Variants in MROH1 observed in about 807,000 individuals in gnomAD.
The protein encoded by MROH1 is maestro heat like repeat family member 1, also known as maestro heat-like repeat-containing protein family member 1.
A neutral mutation model predicts 116.5 loss-of-function variants in MROH1; 117 were observed. The observed-to-expected ratio is 1.00, with a 90% CI of 0.86 to 1.17. MROH1 has a LOEUF of 1.17. MROH1 is among the 50% of genes most tolerant of loss of function. The probability of loss-of-function intolerance (pLI) is 0.00; values close to 1 mark genes in which losing one functional copy is unlikely to be tolerated. For synonymous variants in MROH1, 921 were observed against 583.9 expected (o/e 1.58, Z -8.32); for missense variants, 1,873 against 1,338.5 (o/e 1.40, Z -6.23).
chr8:144,164,221 A>G (rs1255023909), intron 3 of MROH1, among the ~76,000 whole-genome samples: 2 of 151,360 alleles, frequency 1.3e-5, no homozygotes, highest in African/African-American at 4.9e-5. Context: ...CCTGACCAAC[A>G]TGGTGAAACC....
At chr8:144,193,493 C>T (rs1327665036) in intron 10 of MROH1, among the ~76,000 whole-genome samples, 2 of 152,126 alleles carry the variant, frequency 1.3e-5, no homozygotes. Context: ...CCAGTCAGAG[C>T]CGTATAAGGA....
chr8:144,255,235 G>A (rs1843506720), intron 34 of MROH1, among the ~76,000 whole-genome samples: 1 of 152,248 alleles, frequency 6.6e-6, no homozygotes, highest in Non-Finnish European at 1.5e-5. Flanking sequence ...AAGCAGCTGT[G>A]AGAATTCCCT....
Position 144,240,930 on chromosome 8 carries a change from C to T in MROH1, c.1936-62C>T, listed in dbSNP as rs964094676. 30 of 715,540 alleles carry T rather than the reference C, an allele frequency of 4.2e-5. No individual in the cohort carries two copies. In the African/African-American group the frequency reaches 4.5e-4, roughly 11 times the overall value. 44.3% of individuals were successfully genotyped at this position (715,540 alleles called of 1,614,324 possible). A position where few individuals can be genotyped will look rare whatever the true frequency, so the allele number is the denominator to read the frequency against. Reference sequence around the variant, plus strand: ...GTGCACCCCAGGGGCAGCCCCATGGCAGCGCTGGGTCTCCCTGTACTCAGG... The same window carrying T: ...GTGCACCCCAGGGGCAGCCCCATGGTAGCGCTGGGTCTCCCTGTACTCAGG... On this transcript the variant is annotated intron_variant, in intron 20 of 43. Coordinates refer to ENST00000326134, the MANE Select transcript of MROH1 (RefSeq NM_032450.3).
At chr8:144,219,812 G>A (rs1836316009) in intron 12 of MROH1, among the ~76,000 whole-genome samples, 1 of 152,238 alleles carries the variant, frequency 6.6e-6, no homozygotes, top group Non-Finnish European at 1.5e-5. Flanking sequence ...CTACCCAGGT[G>A]TGCCTGCATT....
chr8:144,176,348 G>C (rs895775141), intron 4 of MROH1, among the ~76,000 whole-genome samples: 3 of 148,402 alleles, frequency 2.0e-5, no homozygotes, highest in African/African-American at 7.4e-5. Context: ...ACTCCAGCCT[G>C]GGTGACAGAG....
At chr8:144,192,616 C>T in intron 10 of MROH1, 1 of 695,412 alleles carries the variant, frequency 1.4e-6, no homozygotes, top group South Asian at 1.5e-5. Context: ...ACATAGCAGC[C>T]CCCAGGATGG....
intron 22 of MROH1, 105 bp from the exon 23 acceptor site, chr8:144,242,264 T>C: frequency 1.3e-6 from 1 of 776,056 alleles, no homozygotes; most frequent in Non-Finnish European, 2.4e-6. Context: ...ACTGACTGGC[T>C]CTGGCCCTTC....
intron 33 of MROH1, among the ~76,000 whole-genome samples, chr8:144,253,455 C>A (rs1449502263): frequency 2.6e-5 from 4 of 152,218 alleles, no homozygotes; most frequent in Non-Finnish European, 4.4e-5. Flanking sequence ...AGCTTGCCAG[C>A]CCTTCCCTGG....
intron 39 of MROH1, 121 bp downstream of exon 39, chr8:144,260,495 A>C (rs1844828649): frequency 1.4e-6 from 1 of 699,942 alleles, no homozygotes; most frequent in Non-Finnish European, 2.6e-6. Context: ...GACCGTGGAG[A>C]GCGCGGACCT....
At chr8:144,187,938 G>A (rs113166899) in intron 7 of MROH1, among the ~76,000 whole-genome samples, 1,762 of 152,238 alleles carry the variant, frequency 0.012, 25 homozygotes, top group African/African-American at 0.038. Context: ...TGCGGGTTCC[G>A]GTGGTCTCAG....
intron 17 of MROH1, 84 bp from the exon 18 acceptor site, chr8:144,239,530 G>T (rs1194033548): frequency 2.6e-6 from 2 of 758,292 alleles, no homozygotes; most frequent in Non-Finnish European, 4.9e-6. Flanking sequence ...GCTCCCCGTC[G>T]GGTGATGTGG....
rs1843564977 is a variant in MROH1, at chr8:144,255,451, G to T, written c.3595-58G>T. ...GGGGATGCAGTCTCATTGGGTGCAG[G>T]GCTCAGATCTCCTGCGGCCTGGAGG... On this transcript the variant is annotated intron_variant, in intron 34 of 43. Coordinates refer to ENST00000326134, the MANE Select transcript of MROH1 (RefSeq NM_032450.3). The T allele has an allele frequency of 6.6e-6, 5 of 758,464 alleles. No homozygotes were observed. The Admixed American group carries it at 9.0e-5, about 14-fold the overall frequency. 47.0% of individuals were successfully genotyped at this position (758,464 alleles called of 1,614,324 possible). A position where few individuals can be genotyped will look rare whatever the true frequency, so the allele number is the denominator to read the frequency against.
chr8:144,160,969 G>C lies in MROH1; in HGVS notation c.-176-1G>C, dbSNP rs190992284. The C allele has an allele frequency of 3.9e-5, 6 of 152,794 alleles. No individual in the cohort carries two copies. The East Asian group carries it at 5.8e-4, about 15-fold the overall frequency. 9.5% of individuals were successfully genotyped at this position (152,794 alleles called of 1,614,324 possible). The stretch of plus-strand genomic sequence containing the variant: ...CAGAATTTGGTTCTTTGCATCTGTA[G>C]GACGGAAGCTCCTGTTTTCTTGTCA... On this transcript the variant is annotated splice_acceptor_variant, in intron 1 of 43. Coordinates refer to ENST00000326134, the MANE Select transcript of MROH1 (RefSeq NM_032450.3). LOFTEE classifies it low-confidence loss of function (5UTR_SPLICE).
chr8:144,260,083 G>T, intron 38 of MROH1, 26 bp downstream of exon 38: 1 of 733,606 alleles, frequency 1.4e-6, no homozygotes, highest in Non-Finnish European at 2.5e-6. Flanking sequence ...GCCCCTCTGG[G>T]TCCCAGGCAG....
intron 12 of MROH1, among the ~76,000 whole-genome samples, chr8:144,211,186 A>G (rs1323653643): frequency 6.6e-6 from 1 of 152,200 alleles, no homozygotes; most frequent in Non-Finnish European, 1.5e-5. Flanking sequence ...TGGATTCAGA[A>G]ACAGATTCAG....
rs957239135 is a variant in MROH1, at chr8:144,259,139, A to G, written c.3930-101A>G. The G allele has an allele frequency of 7.6e-5, 53 of 694,884 alleles. No homozygotes were observed. The East Asian group carries it at 1.2e-3, about 15-fold the overall frequency. 43.0% of individuals were successfully genotyped at this position (694,884 alleles called of 1,614,324 possible). ...AAACATAGAACTCCCAGAACCTGGC[A>G]GCTGGCGGTGGAGCGGACCAGGGCT... is the stretch of plus-strand genomic sequence containing the variant. On this transcript the variant is annotated intron_variant, in intron 36 of 43. Coordinates refer to ENST00000326134, the MANE Select transcript of MROH1 (RefSeq NM_032450.3).
At chr8:144,211,625 G>T (rs1834109887) in intron 12 of MROH1, among the ~76,000 whole-genome samples, 1 of 151,892 alleles carries the variant, frequency 6.6e-6, no homozygotes, top group Non-Finnish European at 1.5e-5. Flanking sequence ...AATCCAGGAG[G>T]CTGAGGCAGA....
rs1045555440 is a variant in MROH1 at position 144,239,664 on chromosome 8, G to A, written c.1683G>A (p.Leu561=). The A allele has an allele frequency of 3.9e-6, 3 of 763,248 alleles. No individual in the cohort carries two copies. Among genetic ancestry groups the A allele is most frequent in the Non-Finnish European group, 7.3e-6 (3 of 410,126 alleles). 47.3% of individuals were successfully genotyped at this position (763,248 alleles called of 1,614,324 possible). The change falls in exon 18 of 44, where the codon CTG becomes CTA. Residue 561 remains leucine, a synonymous_variant. Coordinates refer to ENST00000326134, the MANE Select transcript of MROH1 (RefSeq NM_032450.3). ...GGGACGGACGTGGGGCAGCGGCGCT[G>A]CGCCTCCTCAGTGTTCTGCACCCAA... is the stretch of plus-strand genomic sequence containing the variant. The part of the protein sequence containing the change: ...YLGDGRGAAA[L]RLLSVLHPNI...
intron 9 of MROH1, 146 bp downstream of exon 9, chr8:144,192,001 G>A: frequency 2.0e-6 from 2 of 980,334 alleles, no homozygotes; most frequent in Non-Finnish European, 3.0e-6. Flanking sequence ...GGGCTGTGAA[G>A]GACAGGGCCC....
Sources: allele counts gnomAD v4.1 joint callset (sites outside exome capture counted in the v4.1 genomes callset), GRCh38; gene constraint gnomAD v4.1.1; transcripts MANE v1.5; gene names NCBI Gene and HGNC (gene_info 2026-07-23, HGNC 2026-07-21).